The following KLC1 variants were observed in gnomAD, a reference collection of about 807,000 sequenced individuals.
KLC1 encodes kinesin light chain 1.
In KLC1, 30 loss-of-function variants were observed where a neutral mutation model predicts 84.2. The observed-to-expected ratio is 0.36, with a 90% CI of 0.27 to 0.48. The LOEUF (loss-of-function observed/expected upper bound fraction) is 0.48. KLC1 is among the 20% of genes least tolerant of loss of function. The pLI, the probability that KLC1 is intolerant of heterozygous loss-of-function variation, is 0.99. For synonymous variants in KLC1, 289 were observed against 293.3 expected (o/e 0.99, Z 0.15); for missense variants, 499 against 805.4 (o/e 0.62, Z 4.60).
At chr14:103,655,614 TTTTTA>T (rs2078774564) in intron 2 of KLC1, among the ~76,000 whole-genome samples, 1 of 149,796 alleles carries the variant, frequency 6.7e-6, no homozygotes. Context: ...TTTATTTTTA[TTTTTA>T]TTTTTTTGAG....
rs2079348494 is a variant in KLC1, at chr14:103,662,127, C to T, written c.504C>T (p.Asp168=). 1.2e-6 allele frequency: 2 copies of T among 1,613,530 alleles called. No individual in the cohort carries two copies. Among genetic ancestry groups the T allele is most frequent in the Non-Finnish European group, 1.7e-6 (2 of 1,179,500 alleles). ...GGTCTGTTTTATAGGAGGACAAAGA[C>T]ACTGATTCTACCAAAGAGCCTCTGG... ...DDDISPSEDK[D]TDSTKEPLDD... Residue 168 remains aspartate (D), a synonymous_variant, in exon 4 of 17, where the codon GAC becomes GAT. Transcript: ENST00000334553.
At position 103,694,702 on chromosome 14, in the gene KLC1, G is replaced by C. The variant is rs1351640591; in HGVS notation, c.1848+2277G>C. On this transcript the variant is annotated intron_variant, in intron 15 of 16. Coordinates refer to ENST00000334553, the MANE Select transcript of KLC1 (RefSeq NM_001394837.1). The surrounding 1 kb of genome is among the most constrained non-coding windows in gnomAD (Gnocchi z 4.5). ...GTCTGTGAAACACCAGCCATCCCGT[G>C]AAAGCTCAGCTTGCCACTGTCATGT... 1 of 985,362 alleles carries C rather than the reference G, an allele frequency of 1.0e-6. No homozygotes were observed. The highest frequency in any genetic ancestry group is 1.2e-6 in the Non-Finnish European group (1 of 829,944). 61.0% of individuals were successfully genotyped at this position (985,362 alleles called of 1,614,324 possible).
rs749914014 is a variant in KLC1 at position 103,662,698 on chromosome 14, G to A, written c.572-4G>A. 2.0e-5 allele frequency: 31 copies of A among 1,558,472 alleles called. No homozygotes were observed. The Middle Eastern group carries it at 5.3e-4, about 27-fold the overall frequency. Reference sequence around the variant, plus strand: ...CCCATCTGAAGTGAACTTTCTCGGTGCAGTCCAGCAGCAGCACAGCAGTGC... The same window carrying A: ...CCCATCTGAAGTGAACTTTCTCGGTACAGTCCAGCAGCAGCACAGCAGTGC... On this transcript the variant is annotated splice_polypyrimidine_tract_variant and splice_region_variant and intron_variant, in intron 4 of 16. Coordinates refer to ENST00000334553, the MANE Select transcript of KLC1 (RefSeq NM_001394837.1).
intron 5 of KLC1, among the ~76,000 whole-genome samples, chr14:103,669,307 T>C (rs113034740): frequency 0.011 from 1,618 of 151,824 alleles, 33 homozygotes; most frequent in African/African-American, 0.037. Flanking sequence ...TGGTGACAGA[T>C]GCCTGTAATC....
chr14:103,698,120 C>G (rs1029898887), intron 15 of KLC1: 5 of 154,678 alleles, frequency 3.2e-5, no homozygotes, highest in Non-Finnish European at 5.7e-5. Flanking sequence ...CTGGCACAGG[C>G]CACACTACTA....
rs2082244402 is a variant in KLC1 at position 103,693,579 on chromosome 14, G to A, written c.1848+1154G>A. 6.5e-7 allele frequency: 1 copy of A among 1,536,050 alleles called. No individual in the cohort carries two copies. The highest frequency in any genetic ancestry group is 2.4e-5 in the East Asian group (1 of 40,908). ...AACGAAATAATTGTCTGGCCGACTC[G>A]CGAGCTCTGAGTGCCAGCCACACTG... On this transcript the variant is annotated intron_variant, in intron 15 of 16. Transcript: ENST00000334553. This position sits in a 1 kb window ranked among gnomAD's most constrained non-coding sequence, Gnocchi z 5.1.
At chr14:103,664,766 C>G (rs190833081) in intron 5 of KLC1, among the ~76,000 whole-genome samples, 4 of 149,576 alleles carry the variant, frequency 2.7e-5, no homozygotes, top group African/African-American at 9.8e-5. Context: ...CTGCTCAGCT[C>G]GGTACCCCAT....
intron 3 of KLC1, among the ~76,000 whole-genome samples, chr14:103,658,831 G>A (rs1354914768): frequency 6.7e-6 from 1 of 149,752 alleles, no homozygotes; most frequent in Non-Finnish European, 1.5e-5. Context: ...CCAATTTTTT[G>A]TATTTTTAGT....
chr14:103,662,309 C>T, intron 4 of KLC1, 115 bp downstream of exon 4: 1 of 862,054 alleles, frequency 1.2e-6, no homozygotes. Flanking sequence ...CTGGAGGAAG[C>T]ACCACCAGAG....
chr14:103,699,791 C>T (rs1158682941), intron 15 of KLC1: 4 of 604,800 alleles, frequency 6.6e-6, no homozygotes, highest in Middle Eastern at 4.4e-4. Context: ...ACAACTGGTT[C>T]CCTTGGCCCC....
rs199517877 is a variant in KLC1, at chr14:103,662,799, C to T, written c.669C>T (p.Tyr223=). The T allele has an allele frequency of 5.5e-5, 88 of 1,612,902 alleles. No individual in the cohort carries two copies. Among genetic ancestry groups the T allele is most frequent in the Admixed American group, 5.0e-4 (30 of 59,844 alleles). Residue 223 remains tyrosine (Y), a synonymous_variant, in exon 5 of 17, where the codon TAC becomes TAT. Coordinates refer to ENST00000334553, the MANE Select transcript of KLC1 (RefSeq NM_001394837.1). ...CGCTCCACAACCTGGTGATCCAGTA[C>T]GCCTCGCAGGGGCGCTACGAGGTAG... The part of the protein sequence containing the change: ...LRTLHNLVIQ[Y]ASQGRYEVAV...
chr14:103,654,935 C>T (rs2078716335), intron 2 of KLC1, 110 bp downstream of exon 2: 1 of 1,269,040 alleles, frequency 7.9e-7, no homozygotes, highest in African/African-American at 1.5e-5. Flanking sequence ...TATAGAATAA[C>T]AGATCCAGGC....
At chr14:103,672,662 C>T (rs1425739982) in intron 7 of KLC1, among the ~76,000 whole-genome samples, 5 of 152,182 alleles carry the variant, frequency 3.3e-5, no homozygotes, top group Admixed American at 3.3e-4. Flanking sequence ...GGCAGTAAAA[C>T]TCACATAGCC....
Position 103,701,301 on chromosome 14 carries a change from G to C in KLC1, c.*102G>C, listed in dbSNP as rs534376993. On this transcript the variant is annotated 3_prime_UTR_variant, in exon 17 of 17. Coordinates refer to ENST00000334553, the MANE Select transcript of KLC1 (RefSeq NM_001394837.1). ...CAGGGAGGGCCCCTGGCCGGGAGCC[G>C]CAGCGCTCACTCATTTCTCCTGCGT... 1 of 1,273,218 alleles carries C rather than the reference G, an allele frequency of 7.9e-7. No homozygotes were observed. The highest frequency in any genetic ancestry group is 1.1e-6 in the Non-Finnish European group (1 of 908,394). The allele number at this position is 1,273,218 out of a possible 1,614,324, so 78.9% of individuals were successfully genotyped here. A position where few individuals can be genotyped will look rare whatever the true frequency, so the allele number is the denominator to read the frequency against.
chr14:103,694,571 G>A lies in KLC1; in HGVS notation c.1848+2146G>A, dbSNP rs886713100. The A allele has an allele frequency of 1.8e-5, 18 of 985,474 alleles. No individual in the cohort carries two copies. In the African/African-American group the frequency reaches 2.8e-4, roughly 15 times the overall value. The allele number at this position is 985,474 out of a possible 1,614,324, so 61.0% of individuals were successfully genotyped here. A position where few individuals can be genotyped will look rare whatever the true frequency, so the allele number is the denominator to read the frequency against. On this transcript the variant is annotated intron_variant, in intron 15 of 16. Transcript: ENST00000334553. This position sits in a 1 kb window ranked among gnomAD's most constrained non-coding sequence, Gnocchi z 4.5. Reference sequence around the variant, plus strand: ...TAGCCGTCCACAAACTAGTCCATAGGTAAAGAGCATACAAAACAGACGCCG... The same window carrying A: ...TAGCCGTCCACAAACTAGTCCATAGATAAAGAGCATACAAAACAGACGCCG...
At chr14:103,663,676 C>T (rs2079495623) in intron 5 of KLC1, among the ~76,000 whole-genome samples, 1 of 152,144 alleles carries the variant, frequency 6.6e-6, no homozygotes, top group African/African-American at 2.4e-5. Flanking sequence ...CCCTTTCACC[C>T]CTGTTGAAGG....
At chr14:103,639,227 A>C (rs139692192) in intron 1 of KLC1, among the ~76,000 whole-genome samples, 2 of 152,100 alleles carry the variant, frequency 1.3e-5, no homozygotes, top group Admixed American at 1.3e-4. Context: ...CAGTGGCATG[A>C]TCTTGGCTCA....
chr14:103,634,727 A>T lies in KLC1; in HGVS notation c.-2+5233A>T, dbSNP rs181154205. Among the ~76,000 whole-genome samples, 22 of 151,004 alleles carry T rather than the reference A, an allele frequency of 1.5e-4. No individual in the cohort carries two copies. In the East Asian group the frequency reaches 4.3e-3, roughly 29 times the overall value. Reference sequence around the variant, plus strand: ...TTTTGCTTCTAGGAGGTTACTAATGACCTTTAACTTTTTTTTTTTTAAATA... The same window carrying T: ...TTTTGCTTCTAGGAGGTTACTAATGTCCTTTAACTTTTTTTTTTTTAAATA... On this transcript the variant is annotated intron_variant, in intron 1 of 16. Coordinates refer to ENST00000334553, the MANE Select transcript of KLC1 (RefSeq NM_001394837.1).
chr14:103,657,876 T>C, intron 3 of KLC1, 100 bp downstream of exon 3: 3 of 849,874 alleles, frequency 3.5e-6, no homozygotes, highest in Non-Finnish European at 5.6e-6. Context: ...TATTAGAACA[T>C]ATTAGAACAT....
Sources: allele counts gnomAD v4.1 joint callset (sites outside exome capture counted in the v4.1 genomes callset), GRCh38; gene constraint gnomAD v4.1.1; non-coding constraint Gnocchi (gnomAD v3.1); transcripts MANE v1.5; gene names NCBI Gene and HGNC (gene_info 2026-07-23, HGNC 2026-07-21).